Variants in ODAD2 observed in about 807,000 individuals in gnomAD.
ODAD2 encodes the protein outer dynein arm docking complex subunit 2, also known as outer dynein arm-docking complex subunit 2.
In ODAD2, 89 loss-of-function variants were observed where a neutral mutation model predicts 106.8. The observed-to-expected ratio is 0.83, with a 90% CI of 0.70 to 0.99. ODAD2 has a LOEUF of 0.99. ODAD2 is among the 50% of genes least tolerant of loss of function. The pLI is 0.00. For missense variants in ODAD2, 1,168 were observed against 1,238.5 expected, an observed-to-expected ratio of 0.94 and a Z score of 0.85; for synonymous variants, 404 against 436.2, an observed-to-expected ratio of 0.93 and a Z score of 0.92.
chr10:27,987,296 CT>C lies in ODAD2; in HGVS notation c.382+89del, dbSNP rs1404442330. The stretch of plus-strand genomic sequence containing the variant: ...AGATTGTAGAATCTTTTTCAAGAGA[CT>C]CTAACAAATGATCCTCCCACCCTTT... On this transcript the variant is annotated intron_variant, in intron 3 of 19. Coordinates refer to ENST00000305242, the MANE Select transcript of ODAD2 (RefSeq NM_018076.5). 2.9e-5 allele frequency: 34 copies of C among 1,154,096 alleles called. No individual in the cohort carries two copies. The African/African-American group carries it at 4.5e-4, about 15-fold the overall frequency. The allele number at this position is 1,154,096 out of a possible 1,614,324, so 71.5% of individuals were successfully genotyped here.
chr10:27,926,004 TAAA>T (rs34649733), intron 16 of ODAD2, among the ~76,000 whole-genome samples: 5 of 102,962 alleles, frequency 4.9e-5, no homozygotes, highest in African/African-American at 7.2e-5. Flanking sequence ...AGACTCCAGC[TAAA>T]AAAAAAAAAA....
intron 17 of ODAD2, among the ~76,000 whole-genome samples, chr10:27,905,676 C>T (rs1238586815): frequency 6.6e-6 from 1 of 152,104 alleles, no homozygotes; most frequent in Non-Finnish European, 1.5e-5. Flanking sequence ...GATATATAGA[C>T]CAATGGAACA....
intron 19 of ODAD2, among the ~76,000 whole-genome samples, chr10:27,858,581 T>C (rs1299646168): frequency 1.3e-5 from 2 of 152,192 alleles, no homozygotes; most frequent in Non-Finnish European, 2.9e-5. Flanking sequence ...TTCACTCTAA[T>C]CTTTCTTATT....
At chr10:27,966,961 G>A (rs1246156661) in intron 9 of ODAD2, among the ~76,000 whole-genome samples, 1 of 147,194 alleles carries the variant, frequency 6.8e-6, no homozygotes, top group Non-Finnish European at 1.5e-5. Flanking sequence ...TCAACACAGC[G>A]GTGCATTCCC....
chr10:27,882,173 A>AAAGAAAGAAACAAAG (rs1554799031), intron 17 of ODAD2, among the ~76,000 whole-genome samples: 1 of 109,682 alleles, frequency 9.1e-6, no homozygotes, highest in Non-Finnish European at 1.8e-5. Flanking sequence ...GTCATAAAAA[A>AAAGAAAGAAACAAAG]AAAGAAAGAA....
At chr10:27,904,223 TA>T in intron 17 of ODAD2, 2 of 391,612 alleles carry the variant, frequency 5.1e-6, no homozygotes, top group Non-Finnish European at 1.0e-5. Context: ...TGCACATTCC[TA>T]AAGCCTTCCA....
intron 2 of ODAD2, among the ~76,000 whole-genome samples, chr10:27,988,962 G>A (rs566873728): frequency 7.2e-5 from 11 of 152,226 alleles, no homozygotes; most frequent in Admixed American, 5.9e-4. Flanking sequence ...GAGGGACAGA[G>A]GCAGCGACAG....
intron 10 of ODAD2, among the ~76,000 whole-genome samples, chr10:27,956,386 G>A (rs1358108653): frequency 1.3e-5 from 2 of 152,154 alleles, no homozygotes; most frequent in Admixed American, 1.3e-4. Context: ...AAATGGCCCT[G>A]GGAATGAGCC....
At chr10:27,946,010 GTA>G (rs10684689) in intron 10 of ODAD2, among the ~76,000 whole-genome samples, 6 of 149,250 alleles carry the variant, frequency 4.0e-5, no homozygotes, top group African/African-American at 1.2e-4. Flanking sequence ...TATCTATTGT[GTA>G]TATATATATA....
chr10:27,936,910 G>T, intron 14 of ODAD2, 30 bp from the exon 15 acceptor site: 2 of 1,571,196 alleles, frequency 1.3e-6, no homozygotes, highest in Non-Finnish European at 1.7e-6. Context: ...GAGGCTGTCA[G>T]TCATCAAGGA....
chr10:27,953,718 T>A (rs1467762278), intron 10 of ODAD2, among the ~76,000 whole-genome samples: 4 of 152,196 alleles, frequency 2.6e-5, no homozygotes, highest in African/African-American at 4.8e-5. Flanking sequence ...GTATATAAAT[T>A]ATATATGTAT....
chr10:27,941,697 G>A (rs1270918055), intron 12 of ODAD2, among the ~76,000 whole-genome samples: 1 of 149,998 alleles, frequency 6.7e-6, no homozygotes, highest in Non-Finnish European at 1.5e-5. Flanking sequence ...TTGCCCCATG[G>A]AGGAAGGGAA....
intron 19 of ODAD2, among the ~76,000 whole-genome samples, chr10:27,829,876 A>G (rs1414793628): frequency 6.6e-6 from 1 of 152,118 alleles, no homozygotes; most frequent in Non-Finnish European, 1.5e-5. Context: ...ATTTTTGCCA[A>G]CTTAGGTTTT....
chr10:27,967,043 G>T (rs1424930302), intron 9 of ODAD2, among the ~76,000 whole-genome samples: 1 of 149,602 alleles, frequency 6.7e-6, no homozygotes, highest in African/African-American at 2.5e-5. Flanking sequence ...ACTCCAGGAG[G>T]TGCAGGCAAA....
At chr10:27,850,306 G>A (rs774096860) in intron 19 of ODAD2, among the ~76,000 whole-genome samples, 4 of 152,010 alleles carry the variant, frequency 2.6e-5, no homozygotes, top group Admixed American at 6.6e-5. Flanking sequence ...TTAGACGGCC[G>A]TGGTGGCAGG....
rs112483026 is a variant in ODAD2 at position 27,935,234 on chromosome 10, G to T, written c.2271C>A (p.Ala757=). The change falls in exon 16 of 20, where the codon GCC becomes GCA. Residue 757 remains alanine (A), a synonymous_variant. Transcript: ENST00000305242. ...ENVTKFREYK[A]IETLVGLLTD... The stretch of plus-strand genomic sequence containing the variant: ...TTAGAAGTCCCACCAAGGTTTCAAT[G>T]GCTTTGTATTCCCGAAACCTAAGTT... 1.2e-6 allele frequency: 2 copies of T among 1,613,830 alleles called. No individual in the cohort carries two copies. The highest frequency in any genetic ancestry group is 3.3e-5 in the Admixed American group (2 of 59,978).
In ODAD2 at chr10:27,819,574, TAA is replaced by T. The variant is rs56031733; in HGVS notation, c.3022-6951_3022-6950del. The stretch of plus-strand genomic sequence containing the variant: ...GGCAACATAGTGAGACCCTGTCTCT[TAA>T]AAAAAAAAAAAAAAAAAAAAAAAAA... On this transcript the variant is annotated intron_variant, in intron 19 of 19. Transcript: ENST00000305242. Among the ~76,000 whole-genome samples, 705 of 73,958 alleles carry T rather than the reference TAA, an allele frequency of 9.5e-3. 7 individuals carry two copies. Among genetic ancestry groups the T allele is most frequent in the African/African-American group, 0.023 (456 of 19,628 alleles). 48.5% of individuals were successfully genotyped at this position (73,958 alleles called of 152,430 possible). A position where few individuals can be genotyped will look rare whatever the true frequency, so the allele number is the denominator to read the frequency against.
At chr10:27,896,404 T>C (rs374818412) in intron 17 of ODAD2, among the ~76,000 whole-genome samples, 1 of 152,220 alleles carries the variant, frequency 6.6e-6, no homozygotes, top group Non-Finnish European at 1.5e-5. Flanking sequence ...AATTCAAAGA[T>C]ATCAATGGGT....
At chr10:27,988,712 C>A (rs1347650188) in intron 2 of ODAD2, among the ~76,000 whole-genome samples, 1 of 152,056 alleles carries the variant, frequency 6.6e-6, no homozygotes, top group African/African-American at 2.4e-5. Flanking sequence ...AAAAGTAAAT[C>A]TGACCAACCG....
Sources: allele counts gnomAD v4.1 joint callset (sites outside exome capture counted in the v4.1 genomes callset), GRCh38; gene constraint gnomAD v4.1.1; transcripts MANE v1.5; gene names NCBI Gene and HGNC (gene_info 2026-07-23, HGNC 2026-07-21).